Variants in MAML2 observed in about 807,000 individuals in gnomAD.
MAML2 encodes mastermind like transcriptional coactivator 2, also known as mastermind-like protein 2.
MAML2 carries 22 observed loss-of-function variants against 96.1 expected under a neutral mutation model. That is an observed-to-expected ratio of 0.23 (90% CI 0.16 to 0.33). The LOEUF (loss-of-function observed/expected upper bound fraction) is 0.33. MAML2 is among the 10% of genes least tolerant of loss of function. The probability of loss-of-function intolerance (pLI) is 1.00; values close to 1 mark genes in which losing one functional copy is unlikely to be tolerated. For missense variants in MAML2, 1,367 were observed against 1,392.4 expected, an observed-to-expected ratio of 0.98 and a Z score of 0.29; for synonymous variants, 561 against 521.3, an observed-to-expected ratio of 1.08 and a Z score of -1.04.
At chr11:96,312,219 CAAAAA>C (rs34658278) in intron 1 of MAML2, among the ~76,000 whole-genome samples, 12 of 51,556 alleles carry the variant, frequency 2.3e-4, no homozygotes, top group African/African-American at 8.4e-4. Context: ...GACTCTATCT[CAAAAA>C]AAAAAAAAAA....
intron 1 of MAML2, among the ~76,000 whole-genome samples, chr11:96,275,000 C>T (rs1862967345): frequency 6.6e-6 from 1 of 152,000 alleles, no homozygotes; most frequent in African/African-American, 2.4e-5. Flanking sequence ...TTTATTGTTG[C>T]ACTAATTCCA....
At chr11:96,265,970 A>G (rs1862819778) in intron 1 of MAML2, among the ~76,000 whole-genome samples, 1 of 152,162 alleles carries the variant, frequency 6.6e-6, no homozygotes, top group South Asian at 2.1e-4. Context: ...TCTTTGCCAC[A>G]AGGTAGAGGG....
At chr11:96,006,872 T>TAC (rs57492080) in intron 2 of MAML2, among the ~76,000 whole-genome samples, 8,822 of 123,824 alleles carry the variant, frequency 0.071, 331 homozygotes, top group African/African-American at 0.13. Context: ...GAATATCTTA[T>TAC]ACACACACAC....
Position 96,256,332 on chromosome 11 carries a change from T to A in MAML2, c.513+85051A>T, listed in dbSNP as rs772171004. ...TGAATTCCATTCCTCCCTGTTTCTC[T>A]CTTTCTTTTGCTCTCTTTGCTACAC... On this transcript the variant is annotated intron_variant, in intron 1 of 4. Coordinates refer to ENST00000524717, the MANE Select transcript of MAML2 (RefSeq NM_032427.4). 3.9e-5 allele frequency among the ~76,000 whole-genome samples: 6 copies of A among 152,234 alleles called. No individual in the cohort carries two copies. In the South Asian group the frequency reaches 1.0e-3, roughly 26 times the overall value.
intron 2 of MAML2, among the ~76,000 whole-genome samples, chr11:96,025,133 G>A (rs1402902534): frequency 6.6e-6 from 1 of 152,082 alleles, no homozygotes. Flanking sequence ...CAATAGTAAA[G>A]ACATGAAATC....
intron 1 of MAML2, among the ~76,000 whole-genome samples, chr11:96,136,307 A>T (rs1208106775): frequency 2.7e-5 from 4 of 150,658 alleles, no homozygotes; most frequent in African/African-American, 1.0e-4. Flanking sequence ...AGATGTAGTT[A>T]TATGTATATA....
chr11:96,049,267 T>C (rs1858954299), intron 2 of MAML2, among the ~76,000 whole-genome samples: 1 of 152,216 alleles, frequency 6.6e-6, no homozygotes, highest in African/African-American at 2.4e-5. Flanking sequence ...TCATTTGTAT[T>C]ATCAACTCCA....
intron 2 of MAML2, among the ~76,000 whole-genome samples, chr11:96,055,812 C>A (rs1565201101): frequency 6.6e-6 from 1 of 152,128 alleles, no homozygotes. Context: ...GAAATGTTGG[C>A]TACATTTAAA....
At chr11:96,278,485 C>T (rs1863020144) in intron 1 of MAML2, among the ~76,000 whole-genome samples, 1 of 152,090 alleles carries the variant, frequency 6.6e-6, no homozygotes, top group Admixed American at 6.5e-5. Flanking sequence ...CATTGGAGTT[C>T]ATTGTGTGAG....
At chr11:96,295,462 C>G (rs1434844893) in intron 1 of MAML2, among the ~76,000 whole-genome samples, 1 of 152,164 alleles carries the variant, frequency 6.6e-6, no homozygotes, top group East Asian at 1.9e-4. Context: ...CGCTAAGGTA[C>G]TCTGCTGAAG....
chr11:96,238,013 G>A (rs576246591), intron 1 of MAML2, among the ~76,000 whole-genome samples: 8 of 152,248 alleles, frequency 5.3e-5, no homozygotes, highest in East Asian at 1.9e-4. Context: ...AATGCTTTCC[G>A]TGCCACCAAA....
chr11:95,980,023 C>A (rs376793036), intron 4 of MAML2, 60 bp from the exon 5 acceptor site: 1 of 1,328,252 alleles, frequency 7.5e-7, no homozygotes. Flanking sequence ...TCTGTAACTG[C>A]ACTTTTCAAT....
intron 1 of MAML2, among the ~76,000 whole-genome samples, chr11:96,267,756 T>C (rs1862850135): frequency 1.3e-5 from 2 of 152,218 alleles, no homozygotes; most frequent in South Asian, 2.1e-4. Context: ...AGGCTGAGAC[T>C]GTGAGTAGAG....
chr11:96,053,092 G>T (rs574874257), intron 2 of MAML2, among the ~76,000 whole-genome samples: 2 of 152,226 alleles, frequency 1.3e-5, no homozygotes, highest in Non-Finnish European at 2.9e-5. Context: ...GGAACAGAAA[G>T]TTGGCAAAGA....
At chr11:96,223,030 C>T (rs1380209095) in intron 1 of MAML2, among the ~76,000 whole-genome samples, 1 of 151,966 alleles carries the variant, frequency 6.6e-6, no homozygotes, top group Admixed American at 6.6e-5. Flanking sequence ...TTTATTTTTA[C>T]TTTACATTTT....
chr11:96,111,794 G>T (rs1860128477), intron 1 of MAML2, among the ~76,000 whole-genome samples: 1 of 152,198 alleles, frequency 6.6e-6, no homozygotes, highest in African/African-American at 2.4e-5. Flanking sequence ...GCCCACAGCT[G>T]GCTATGCCCA....
intron 1 of MAML2, among the ~76,000 whole-genome samples, chr11:96,213,906 C>T (rs1198500638): frequency 6.6e-6 from 1 of 152,096 alleles, no homozygotes; most frequent in African/African-American, 2.4e-5. Flanking sequence ...TTGGCAGTCT[C>T]CAGACGACAG....
At chr11:95,996,955 G>C (rs1456832776) in intron 2 of MAML2, among the ~76,000 whole-genome samples, 1 of 152,154 alleles carries the variant, frequency 6.6e-6, no homozygotes, top group East Asian at 1.9e-4. Flanking sequence ...ATAGATGAGA[G>C]TATGTGTGTA....
At chr11:96,335,371 C>T (rs563453436) in intron 1 of MAML2, among the ~76,000 whole-genome samples, 1 of 152,298 alleles carries the variant, frequency 6.6e-6, no homozygotes, top group Admixed American at 6.5e-5. Context: ...AGTATAAACA[C>T]TTTTACCAAC....
Sources: gnomAD v4.1 joint callset for allele counts (sites outside exome capture counted in the v4.1 genomes callset) on GRCh38, gnomAD v4.1.1 for gene constraint, MANE v1.5 for transcripts, NCBI Gene and HGNC (gene_info 2026-07-23, HGNC 2026-07-21) for gene names.